Variants in CDH12 observed in about 807,000 individuals in gnomAD.
The protein encoded by CDH12 is cadherin-12.
In CDH12, 41 loss-of-function variants were observed where a neutral mutation model predicts 74.1. The observed-to-expected ratio is 0.55, with a 90% CI of 0.43 to 0.72. The LOEUF (loss-of-function observed/expected upper bound fraction) is 0.72, where lower values mean the gene tolerates loss of function less well. Ranked by LOEUF, CDH12 falls within the 30% of genes least tolerant of loss-of-function variation. The pLI, the probability that CDH12 is intolerant of heterozygous loss-of-function variation, is 0.00. For missense variants in CDH12, 945 were observed against 977.2 expected, an observed-to-expected ratio of 0.97 and a Z score of 0.44; for synonymous variants, 399 against 355.0, an observed-to-expected ratio of 1.12 and a Z score of -1.39.
At chr5:21,927,944 C>T (rs990602142) in intron 6 of CDH12, among the ~76,000 whole-genome samples, 1 of 150,676 alleles carries the variant, frequency 6.6e-6, no homozygotes, top group Non-Finnish European at 1.5e-5. Flanking sequence ...TGGTAGCTGG[C>T]GCCTGCAGTC....
intron 1 of CDH12, among the ~76,000 whole-genome samples, chr5:22,777,045 T>C (rs762617919): frequency 2.6e-4 from 40 of 152,178 alleles, no homozygotes; most frequent in Non-Finnish European, 5.1e-4. Context: ...CCAAGGATTC[T>C]AGTCTTTTAT....
intron 1 of CDH12, among the ~76,000 whole-genome samples, chr5:22,568,999 G>A (rs946613546): frequency 5.3e-5 from 8 of 152,172 alleles, no homozygotes; most frequent in Non-Finnish European, 1.0e-4. Flanking sequence ...TCGCAGCTGT[G>A]ACAATTTCTT....
In CDH12 at chr5:21,764,990, G is replaced by A. The variant is rs1200377515; in HGVS notation, c.1503C>T (p.Ala501=). 4.3e-6 allele frequency: 7 copies of A among 1,613,552 alleles called. No homozygotes were observed. The highest frequency in any genetic ancestry group is 5.9e-6 in the Non-Finnish European group (7 of 1,179,694). ...VPYETAVCEN[A]KPGQIIQIVS... The stretch of plus-strand genomic sequence containing the variant: ...ATTTATAAGATACCTGTCCTGGCTT[G>A]GCATTTTCACACACGGCTGTCTCAT... Residue 501 remains alanine (A), a synonymous_variant, in exon 12 of 15, where the codon GCC becomes GCT. Transcript: ENST00000382254.
At chr5:22,744,603 T>C (rs963471080) in intron 1 of CDH12, among the ~76,000 whole-genome samples, 1 of 152,194 alleles carries the variant, frequency 6.6e-6, no homozygotes, top group African/African-American at 2.4e-5. Context: ...ATGAGGTTAT[T>C]GTATCACTTT....
chr5:22,735,262 C>T (rs1389543538), intron 1 of CDH12, among the ~76,000 whole-genome samples: 1 of 151,850 alleles, frequency 6.6e-6, no homozygotes, highest in African/African-American at 2.4e-5. Flanking sequence ...TTGCCTCATT[C>T]TTCTTTCCTG....
intron 1 of CDH12, among the ~76,000 whole-genome samples, chr5:22,507,629 C>A (rs2126666382): frequency 6.6e-6 from 1 of 152,270 alleles, no homozygotes; most frequent in East Asian, 1.9e-4. Flanking sequence ...GAGACATAAA[C>A]TTCCAAGAAA....
chr5:22,179,716 C>T (rs1352507688), intron 4 of CDH12, among the ~76,000 whole-genome samples: 3 of 152,088 alleles, frequency 2.0e-5, no homozygotes, highest in Admixed American at 6.6e-5. Context: ...AATTAAGCAA[C>T]GATTTCAGAA....
At chr5:22,606,948 G>A (rs1388413008) in intron 1 of CDH12, among the ~76,000 whole-genome samples, 6 of 152,146 alleles carry the variant, frequency 3.9e-5, no homozygotes, top group African/African-American at 9.7e-5. Flanking sequence ...CTCAGATGGA[G>A]ATTAGGAATT....
At chr5:22,774,319 T>C (rs1262431442) in intron 1 of CDH12, among the ~76,000 whole-genome samples, 2 of 152,178 alleles carry the variant, frequency 1.3e-5, no homozygotes, top group African/African-American at 4.8e-5. Context: ...TCATGTCTTT[T>C]ACAGCAACAT....
intron 6 of CDH12, among the ~76,000 whole-genome samples, chr5:21,915,865 T>C (rs1040614602): frequency 7.3e-5 from 11 of 150,316 alleles, no homozygotes; most frequent in Admixed American, 1.3e-4. Context: ...TGTGTGTTCA[T>C]GTATTAAAAG....
chr5:22,707,426 T>A (rs1215038517), intron 1 of CDH12, among the ~76,000 whole-genome samples: 1 of 152,176 alleles, frequency 6.6e-6, no homozygotes, highest in Non-Finnish European at 1.5e-5. Context: ...TCCTTTAATG[T>A]CATGTTTTAG....
chr5:22,762,827 T>C (rs1213020148), intron 1 of CDH12, among the ~76,000 whole-genome samples: 1 of 152,074 alleles, frequency 6.6e-6, no homozygotes, highest in Non-Finnish European at 1.5e-5. Context: ...CAATTTGCTT[T>C]TCAAATAACA....
intron 6 of CDH12, among the ~76,000 whole-genome samples, chr5:21,860,667 C>G (rs112347133): frequency 0.059 from 8,888 of 151,212 alleles, 785 homozygotes; most frequent in African/African-American, 0.2. Context: ...GCTGAGTCTT[C>G]TGGCCCTCAT....
intron 4 of CDH12, among the ~76,000 whole-genome samples, chr5:22,173,197 T>C (rs994884405): frequency 5.3e-5 from 8 of 149,806 alleles, no homozygotes; most frequent in Non-Finnish European, 1.2e-4. Flanking sequence ...TGTACATACA[T>C]GTGCTAAATG....
intron 4 of CDH12, among the ~76,000 whole-genome samples, chr5:22,097,831 C>T (rs1280889433): frequency 2.0e-5 from 3 of 152,130 alleles, no homozygotes; most frequent in Non-Finnish European, 4.4e-5. Flanking sequence ...GCCAACATCC[C>T]ATCCCACAGC....
intron 1 of CDH12, among the ~76,000 whole-genome samples, chr5:22,825,305 AAT>A (rs1736249376): frequency 6.7e-6 from 1 of 150,178 alleles, no homozygotes; most frequent in Admixed American, 6.7e-5. Context: ...GGAGACAACA[AAT>A]TAGATACATT....
At chr5:22,755,030 G>A (rs983318513) in intron 1 of CDH12, among the ~76,000 whole-genome samples, 1 of 152,048 alleles carries the variant, frequency 6.6e-6, no homozygotes, top group African/African-American at 2.4e-5. Flanking sequence ...TGATGCCTTT[G>A]TTTTCAAATG....
chr5:21,879,655 G>T (rs1008084011), intron 6 of CDH12, among the ~76,000 whole-genome samples: 2 of 152,080 alleles, frequency 1.3e-5, no homozygotes, highest in Admixed American at 6.6e-5. Flanking sequence ...AATTTTTTAT[G>T]TATAGTATTT....
chr5:22,079,252 G>A (rs1742548142), intron 4 of CDH12, among the ~76,000 whole-genome samples: 1 of 152,102 alleles, frequency 6.6e-6, no homozygotes. Flanking sequence ...GCTATTTTGT[G>A]CATTTTAAGA....
Sources: gnomAD v4.1 joint callset for allele counts (sites outside exome capture counted in the v4.1 genomes callset) on GRCh38, gnomAD v4.1.1 for gene constraint, MANE v1.5 for transcripts, NCBI Gene and HGNC (gene_info 2026-07-23, HGNC 2026-07-21) for gene names.